BAG1: variants seen among roughly 807,000 people sequenced by gnomAD.
BAG1 encodes BAG family molecular chaperone regulator 1.
BAG1 carries 35 observed loss-of-function variants against 35.5 expected under a neutral mutation model. The observed-to-expected ratio is 0.99, with a 90% CI of 0.75 to 1.31. BAG1 has a LOEUF of 1.31. Among genes scored for constraint, BAG1 ranks in the 50% most tolerant of loss-of-function variants. The pLI, the probability that BAG1 is intolerant of heterozygous loss-of-function variation, is 0.00. For synonymous variants in BAG1, 191 were observed against 178.9 expected, an observed-to-expected ratio of 1.07 and a Z score of -0.54; for missense variants, 464 against 453.6, an observed-to-expected ratio of 1.02 and a Z score of -0.21.
chr9:33,264,297 C>A lies in BAG1; in HGVS notation c.378G>T (p.Glu126Asp), dbSNP rs1263044482. The change falls in exon 1 of 7, where the codon GAG (glutamate) becomes GAT (aspartate). Residue 126 changes from glutamate (E) to aspartate (D), a missense_variant. By Grantham distance (45) the Glu-to-Asp change is conservative. Transcript: ENST00000634734. ...TCACCTCCTCGCTCCGGGTCGACTC[C>A]TCGTCCCGGGTCACCTCCTGGCTCC... 5 of 1,613,404 alleles carry A rather than the reference C, an allele frequency of 3.1e-6. No homozygotes were observed. Among genetic ancestry groups the A allele is most frequent in the Non-Finnish European group, 4.2e-6 (5 of 1,179,850 alleles).
At chr9:33,259,699 G>A (rs940872535) in intron 3 of BAG1, 11 of 152,254 alleles carry the variant, frequency 7.2e-5, no homozygotes, top group African/African-American at 2.2e-4. Context: ...AAACACTTGT[G>A]AGGAGTCCAG....
chr9:33,264,526 CG>C lies in BAG1; in HGVS notation c.148del (p.Arg50GlyfsTer23). On this transcript the variant is annotated frameshift_variant, in exon 1 of 7. Transcript: ENST00000634734. LOFTEE classifies it high-confidence loss of function. Reference sequence around the variant, plus strand: ...TCGGTCATGCCCGCTGGCAGTACTCCGGGCAGGTGGACGCCCAGAGGGAGGC... The same window carrying C: ...TCGGTCATGCCCGCTGGCAGTACTCCGGCAGGTGGACGCCCAGAGGGAGGC... 3 of 1,581,992 alleles carry C rather than the reference CG, an allele frequency of 1.9e-6. No homozygotes were observed. The highest frequency in any genetic ancestry group is 2.6e-6 in the Non-Finnish European group (3 of 1,167,324).
chr9:33,262,559 A>C, intron 2 of BAG1, 143 bp downstream of exon 2: 2 of 921,800 alleles, frequency 2.2e-6, no homozygotes, highest in Non-Finnish European at 3.1e-6. Context: ...TGAGAGGCTG[A>C]GGCAGGAGAA....
In BAG1 at chr9:33,252,554, ATGT is replaced by A. The variant is rs1366590500; in HGVS notation, c.*2662_*2664del. On this transcript the variant is annotated 3_prime_UTR_variant, in exon 7 of 7. Transcript: ENST00000634734. The stretch of plus-strand genomic sequence containing the variant: ...GCTTGTTATATATGTTATATATGTT[ATGT>A]TATATATATATATGTTATATATGTA... 2.5e-3 allele frequency: 357 copies of A among 141,448 alleles called. 3 individuals are homozygous for A. Among genetic ancestry groups the A allele is most frequent in the African/African-American group, 9.3e-3 (349 of 37,380 alleles). The allele number at this position is 141,448 out of a possible 1,614,324, so 8.8% of individuals were successfully genotyped here.
Position 33,252,812 on chromosome 9 carries a change from G to A in BAG1, c.*2407C>T, listed in dbSNP as rs1386444536. On this transcript the variant is annotated 3_prime_UTR_variant, in exon 7 of 7. Coordinates refer to ENST00000634734, the MANE Select transcript of BAG1 (RefSeq NM_004323.6). ...CAGTAGGTGAGGGTTCTCCATGCAA[G>A]AGACATGTGAGTTGAATTCTGAAGG... 1.3e-5 allele frequency: 2 copies of A among 152,132 alleles called. No individual in the cohort carries two copies. Among genetic ancestry groups the A allele is most frequent in the Non-Finnish European group, 2.9e-5 (2 of 68,042 alleles). 9.4% of individuals were successfully genotyped at this position (152,132 alleles called of 1,614,324 possible). A position where few individuals can be genotyped will look rare whatever the true frequency, so the allele number is the denominator to read the frequency against.
intron 5 of BAG1, among the ~76,000 whole-genome samples, chr9:33,256,280 T>C (rs571465913): frequency 2.7e-4 from 41 of 152,302 alleles, no homozygotes; most frequent in African/African-American, 9.4e-4. Flanking sequence ...TGCTGCTGCT[T>C]CTTTACACCC....
In BAG1 at chr9:33,254,213, T is replaced by C. The variant is rs1348968933; in HGVS notation, c.*1006A>G. ...GTTGCCTGGGCTGGTCTCAAACTCC[T>C]GGCCTCAAGTGATCCGCCCGCCTCA... On this transcript the variant is annotated 3_prime_UTR_variant, in exon 7 of 7. Transcript: ENST00000634734. 6.8e-6 allele frequency: 1 copy of C among 147,540 alleles called. No homozygotes were observed. Among genetic ancestry groups the C allele is most frequent in the Non-Finnish European group, 1.5e-5 (1 of 67,624 alleles). The allele number at this position is 147,540 out of a possible 1,614,324, so 9.1% of individuals were successfully genotyped here.
chr9:33,263,121 A>T (rs561029324), intron 1 of BAG1, among the ~76,000 whole-genome samples: 5 of 152,314 alleles, frequency 3.3e-5, no homozygotes, highest in African/African-American at 1.2e-4. Flanking sequence ...TCTACCTATT[A>T]CTTCTTATTT....
intron 4 of BAG1, 95 bp downstream of exon 4, chr9:33,258,825 G>A (rs567154747): frequency 9.3e-6 from 9 of 972,418 alleles, no homozygotes; most frequent in Non-Finnish European, 1.5e-5. Context: ...TCTGAACCCA[G>A]GGAGTCTGAC....
At chr9:33,264,150 A>T (rs776089994) in intron 1 of BAG1, 74 bp downstream of exon 1, 7 of 1,489,370 alleles carry the variant, frequency 4.7e-6, no homozygotes, top group Non-Finnish European at 6.3e-6. Flanking sequence ...CTTCTGGAGG[A>T]CACGTGACTA....
intron 5 of BAG1, 62 bp downstream of exon 5, chr9:33,256,739 A>G: frequency 7.4e-7 from 1 of 1,350,792 alleles, no homozygotes; most frequent in Admixed American, 1.7e-5. Context: ...TTACTGAAAG[A>G]GTGAATGTGA....
rs1380915430 is a variant in BAG1 at position 33,253,250 on chromosome 9, G to T, written c.*1969C>A. 1 of 152,326 alleles carries T rather than the reference G, an allele frequency of 6.6e-6. No homozygotes were observed. The highest frequency in any genetic ancestry group is 2.1e-4 in the South Asian group (1 of 4,824). The allele number at this position is 152,326 out of a possible 1,614,324, so 9.4% of individuals were successfully genotyped here. A position where few individuals can be genotyped will look rare whatever the true frequency, so the allele number is the denominator to read the frequency against. On this transcript the variant is annotated 3_prime_UTR_variant, in exon 7 of 7. Transcript: ENST00000634734. ...GTGTTGGTTGAGAGGCAGTACAGTA[G>T]AGGGGAAAAGCACTGGCTCTGAAAC...
intron 3 of BAG1, 88 bp downstream of exon 3, chr9:33,260,999 G>A: frequency 9.5e-7 from 1 of 1,057,240 alleles, no homozygotes; most frequent in Non-Finnish European, 1.4e-6. Flanking sequence ...CAGAATCTGG[G>A]TCCCCAGTTT....
intron 4 of BAG1, among the ~76,000 whole-genome samples, chr9:33,258,653 T>C (rs1820507116): frequency 6.6e-6 from 1 of 152,240 alleles, no homozygotes; most frequent in African/African-American, 2.4e-5. Flanking sequence ...ACTATGACAA[T>C]AAATGCTTAT....
chr9:33,261,866 A>G, intron 2 of BAG1: 1 of 984,954 alleles, frequency 1.0e-6, no homozygotes, highest in Non-Finnish European at 1.2e-6. Context: ...AGCATCATGC[A>G]TCCACTGAGC....
At chr9:33,256,984 C>T (rs1820469203) in intron 4 of BAG1, 76 bp from the exon 5 acceptor site, 2 of 1,089,212 alleles carry the variant, frequency 1.8e-6, no homozygotes, top group Non-Finnish European at 2.8e-6. Context: ...ACTAATGATG[C>T]AATCACACTG....
intron 4 of BAG1, among the ~76,000 whole-genome samples, chr9:33,258,574 A>G (rs112418058): frequency 4.5e-4 from 68 of 152,326 alleles, no homozygotes; most frequent in African/African-American, 1.6e-3. Flanking sequence ...ATTTCAGACA[A>G]TACATGATCC....
Position 33,261,878 on chromosome 9 carries a change from C to T in BAG1, c.581-709G>A, listed in dbSNP as rs375268641. 42 of 985,248 alleles carry T rather than the reference C, an allele frequency of 4.3e-5. 1 individual carries two copies. The East Asian group carries it at 1.2e-3, about 29-fold the overall frequency. 61.0% of individuals were successfully genotyped at this position (985,248 alleles called of 1,614,324 possible). A position where few individuals can be genotyped will look rare whatever the true frequency, so the allele number is the denominator to read the frequency against. ...ATGAGCATCATGCATCCACTGAGCC[C>T]GCCACATCCAGGCCTCAGGTAAGTT... On this transcript the variant is annotated intron_variant, in intron 2 of 6. Coordinates refer to ENST00000634734, the MANE Select transcript of BAG1 (RefSeq NM_004323.6).
At chr9:33,256,025 A>G (rs1175168707) in intron 5 of BAG1, 98 bp from the exon 6 acceptor site, 1 of 1,122,272 alleles carries the variant, frequency 8.9e-7, no homozygotes, top group African/African-American at 1.5e-5. Context: ...AGAAACACCC[A>G]CAGTACACAA....
Sources: gnomAD v4.1 joint callset for allele counts (sites outside exome capture counted in the v4.1 genomes callset) on GRCh38, gnomAD v4.1.1 for gene constraint, MANE v1.5 for transcripts, NCBI Gene and HGNC (gene_info 2026-07-23, HGNC 2026-07-21) for gene names.